RSF1: variants seen among roughly 807,000 people sequenced by gnomAD.
RSF1 encodes the protein HBV pX-associated protein 8.
Under a neutral mutation model 145.2 loss-of-function variants are expected in RSF1, and 13 were observed. That is an observed-to-expected ratio of 0.09 (90% CI 0.06 to 0.14). The LOEUF (loss-of-function observed/expected upper bound fraction) is 0.14. RSF1 is among the 10% of genes least tolerant of loss of function. RSF1 has a pLI of 1.00. For synonymous variants in RSF1, 577 were observed against 592.6 expected (o/e 0.97, Z 0.38); for missense variants, 1,517 against 1,718.2 (o/e 0.88, Z 2.07).
intron 15 of RSF1, among the ~76,000 whole-genome samples, chr11:77,668,149 G>C (rs914977586): frequency 7.9e-5 from 12 of 151,800 alleles, no homozygotes; most frequent in African/African-American, 2.9e-4. Context: ...AGGTGTGTGT[G>C]CCGCCACACC....
In RSF1 at chr11:77,702,017, A is replaced by G. The variant is rs1960438182; in HGVS notation, c.1212T>C (p.Cys404=). ...DFDSPVKGPL[C]KSVTPTKEFL... ...ACTCTTTTGTTGGAGTAACTGATTT[A>G]CACAAAGGTCCCTTGACTGGACTGT... is the stretch of plus-strand genomic sequence containing the variant. Residue 404 remains cysteine, a synonymous_variant, in exon 6 of 16, where the codon TGT becomes TGC. Coordinates refer to ENST00000308488, the MANE Select transcript of RSF1 (RefSeq NM_016578.4). The G allele has an allele frequency of 1.2e-6, 2 of 1,614,016 alleles. No individual in the cohort carries two copies. Among genetic ancestry groups the G allele is most frequent in the East Asian group, 4.5e-5 (2 of 44,870 alleles).
the RSF1 span, among the ~76,000 whole-genome samples, chr11:77,849,277 G>A: frequency 0.34 from 52,194 of 151,608 alleles, 9,154 homozygotes; most frequent in East Asian, 0.47. Flanking sequence ...GCTGGAATGC[G>A]GTGGCGTGAC....
chr11:77,744,386 A>C (rs1327028821), intron 3 of RSF1, among the ~76,000 whole-genome samples: 1 of 152,112 alleles, frequency 6.6e-6, no homozygotes, highest in Non-Finnish European at 1.5e-5. Flanking sequence ...GTGCAGTGGC[A>C]CGATCACAGC....
At chr11:77,734,969 C>T (rs561130807) in intron 4 of RSF1, 117 of 1,596,516 alleles carry the variant, frequency 7.3e-5, no homozygotes, top group South Asian at 1.9e-4. Context: ...CGGTTGATGG[C>T]GGCCTCTGAG....
chr11:77,680,501 A>C (rs1030498510), intron 11 of RSF1, among the ~76,000 whole-genome samples: 1 of 151,514 alleles, frequency 6.6e-6, no homozygotes, highest in Non-Finnish European at 1.5e-5. Flanking sequence ...CATAGTCCCA[A>C]CTATTTGGGA....
intron 1 of RSF1, among the ~76,000 whole-genome samples, chr11:77,791,582 T>C (rs574380255): frequency 4.6e-5 from 7 of 152,188 alleles, no homozygotes; most frequent in Non-Finnish European, 1.0e-4. Context: ...CTGAATGCCT[T>C]TAATAGCACC....
At chr11:77,804,173 G>A (rs1485251320) in intron 1 of RSF1, among the ~76,000 whole-genome samples, 1 of 152,212 alleles carries the variant, frequency 6.6e-6, no homozygotes, top group African/African-American at 2.4e-5. Flanking sequence ...AGAGTGCACA[G>A]AAGCTCTGCA....
chr11:77,664,417 C>CA lies in RSF1; in HGVS notation c.*2499dup, dbSNP rs1171433013. The CA allele has an allele frequency of 4.6e-5, 7 of 152,152 alleles. No homozygotes were observed. 9.4% of individuals were successfully genotyped at this position (152,152 alleles called of 1,614,324 possible). On this transcript the variant is annotated 3_prime_UTR_variant, in exon 16 of 16. Transcript: ENST00000308488. The stretch of plus-strand genomic sequence containing the variant: ...GGTCTCCAAACCTAAATGGAATACT[C>CA]AGTCTTTGAGATGGTAAGAATTACC...
At chr11:77,767,345 A>T (rs1008222617) in intron 1 of RSF1, among the ~76,000 whole-genome samples, 7 of 152,118 alleles carry the variant, frequency 4.6e-5, no homozygotes, top group South Asian at 4.1e-4. Context: ...AAAAACAGCT[A>T]TGGATAGTCT....
chr11:77,720,548 T>C (rs1345306972), intron 5 of RSF1, among the ~76,000 whole-genome samples: 1 of 152,198 alleles, frequency 6.6e-6, no homozygotes, highest in Non-Finnish European at 1.5e-5. Context: ...TACTTGGAAA[T>C]CTACCACAGT....
chr11:77,833,127 C>T, the RSF1 span, among the ~76,000 whole-genome samples: 6 of 150,162 alleles, frequency 4.0e-5, no homozygotes, highest in African/African-American at 7.4e-5. Context: ...TCTCCTGCCT[C>T]GGCTTTGGAG....
At chr11:77,730,827 C>T (rs190236039) in intron 4 of RSF1, among the ~76,000 whole-genome samples, 16 of 152,312 alleles carry the variant, frequency 1.1e-4, no homozygotes, top group Non-Finnish European at 1.9e-4. Context: ...CTTGCTCCTC[C>T]TTGCCTTCTG....
chr11:77,720,115 CT>C (rs993081262), intron 5 of RSF1, among the ~76,000 whole-genome samples: 6 of 152,208 alleles, frequency 3.9e-5, no homozygotes, highest in Admixed American at 3.3e-4. Flanking sequence ...TTTATCTTAG[CT>C]TTTTAAAAAC....
At chr11:77,678,493 G>A (rs185751754) in intron 11 of RSF1, among the ~76,000 whole-genome samples, 25 of 152,266 alleles carry the variant, frequency 1.6e-4, no homozygotes, top group Non-Finnish European at 3.4e-4. Context: ...GATTACAGGC[G>A]TGAGCCACCG....
intron 1 of RSF1, among the ~76,000 whole-genome samples, chr11:77,792,519 G>A (rs1436416883): frequency 6.6e-6 from 1 of 152,008 alleles, no homozygotes; most frequent in African/African-American, 2.4e-5. Context: ...CCACCACTGG[G>A]GACAGAAGAC....
At chr11:77,869,122 A>G in the RSF1 span, 1 of 262,428 alleles carries the variant, frequency 3.8e-6, no homozygotes, top group Non-Finnish European at 7.5e-6. Flanking sequence ...GGCCAAAGGA[A>G]CAACTCCATA....
chr11:77,780,535 G>A (rs887569358), intron 1 of RSF1, among the ~76,000 whole-genome samples: 1 of 152,018 alleles, frequency 6.6e-6, no homozygotes, highest in Non-Finnish European at 1.5e-5. Context: ...AAACAGAAGA[G>A]AGACTATGGG....
intron 1 of RSF1, among the ~76,000 whole-genome samples, chr11:77,769,583 C>T (rs545627507): frequency 3.4e-4 from 52 of 152,308 alleles, no homozygotes; most frequent in Admixed American, 7.8e-4. Flanking sequence ...GGGCTGCCAA[C>T]ATGATGTAGG....
At chr11:77,676,334 G>A (rs1039967684) in intron 13 of RSF1, among the ~76,000 whole-genome samples, 1 of 151,726 alleles carries the variant, frequency 6.6e-6, no homozygotes, top group Non-Finnish European at 1.5e-5. Context: ...AATCTGAAAG[G>A]AGAAACTCTG....
Sources: gnomAD v4.1 joint callset for allele counts (sites outside exome capture counted in the v4.1 genomes callset) on GRCh38, gnomAD v4.1.1 for gene constraint, MANE v1.5 for transcripts, NCBI Gene and HGNC (gene_info 2026-07-23, HGNC 2026-07-21) for gene names.